FRK: variants seen among roughly 807,000 people sequenced by gnomAD.
FRK encodes tyrosine-protein kinase FRK.
In FRK, 51 loss-of-function variants were observed where a neutral mutation model predicts 56.4. The observed-to-expected ratio is 0.90, with a 90% CI of 0.72 to 1.14. The LOEUF (loss-of-function observed/expected upper bound fraction) is 1.14, where lower values mean the gene tolerates loss of function less well. FRK is among the 50% of genes most tolerant of loss of function. The probability of loss-of-function intolerance (pLI) is 0.00; values close to 1 mark genes in which losing one functional copy is unlikely to be tolerated. For missense variants in FRK, 570 were observed against 601.4 expected (o/e 0.95, Z 0.55); for synonymous variants, 245 against 217.9 (o/e 1.12, Z -1.10).
chr6:115,968,196 C>A (rs961056212), intron 3 of FRK, among the ~76,000 whole-genome samples: 2 of 152,044 alleles, frequency 1.3e-5, no homozygotes, highest in South Asian at 4.2e-4. Flanking sequence ...GTTACTCATT[C>A]ATTTAGTAAG....
Position 115,945,077 on chromosome 6 carries a change from T to C in FRK, c.959-652A>G, listed in dbSNP as rs527526497. 6.6e-5 allele frequency among the ~76,000 whole-genome samples: 10 copies of C among 152,336 alleles called. No individual in the cohort carries two copies. The South Asian group carries it at 2.1e-3, about 32-fold the overall frequency. On this transcript the variant is annotated intron_variant, in intron 5 of 7. Transcript: ENST00000606080. ...TTTATGGCTGCATAGTATTCCATGG[T>C]GTATACATACCACATTTTCTTTATC...
At chr6:115,987,779 T>C (rs920416029) in intron 2 of FRK, among the ~76,000 whole-genome samples, 1 of 152,100 alleles carries the variant, frequency 6.6e-6, no homozygotes, top group Non-Finnish European at 1.5e-5. Flanking sequence ...AATGAATGGA[T>C]GGGTTTGTAA....
chr6:116,083,630 T>C, the FRK span, among the ~76,000 whole-genome samples: 31 of 152,228 alleles, frequency 2.0e-4, no homozygotes, highest in Non-Finnish European at 3.5e-4. Flanking sequence ...ACCTCCAGAG[T>C]TTCTGATTCA....
At chr6:115,949,019 C>T (rs958740105) in intron 5 of FRK, among the ~76,000 whole-genome samples, 6 of 152,016 alleles carry the variant, frequency 3.9e-5, no homozygotes, top group African/African-American at 1.4e-4. Flanking sequence ...AAGTTGTATT[C>T]CTAGGTATTT....
At chr6:116,091,214 G>T in the FRK span, among the ~76,000 whole-genome samples, 1 of 152,062 alleles carries the variant, frequency 6.6e-6, no homozygotes, top group Non-Finnish European at 1.5e-5. Flanking sequence ...GATTGTAAAT[G>T]CACCAATCAG....
chr6:115,958,346 G>C (rs1021283661), intron 4 of FRK, among the ~76,000 whole-genome samples: 7 of 151,766 alleles, frequency 4.6e-5, no homozygotes, highest in African/African-American at 1.7e-4. Flanking sequence ...AGAAAATTAG[G>C]CTGGGCATGG....
At chr6:115,953,660 T>G (rs182934196) in intron 5 of FRK, among the ~76,000 whole-genome samples, 223 of 152,274 alleles carry the variant, frequency 1.5e-3, no homozygotes, top group Non-Finnish European at 2.4e-3. Context: ...TACTTAGCCC[T>G]AAGTAAACCA....
intron 4 of FRK, among the ~76,000 whole-genome samples, chr6:115,958,767 G>GC (rs1554225870): frequency 4.1e-5 from 1 of 24,236 alleles, no homozygotes; most frequent in Admixed American, 6.3e-4. Context: ...AAGAAAGAAA[G>GC]AGGGGGGGGA....
chr6:116,038,726 G>A (rs1326975439), intron 1 of FRK: 8 of 454,658 alleles, frequency 1.8e-5, no homozygotes, highest in Admixed American at 1.7e-4. Flanking sequence ...GAAGGCTGAC[G>A]CTGACCTTCA....
intron 1 of FRK, among the ~76,000 whole-genome samples, chr6:116,029,962 C>T (rs958576950): frequency 1.3e-5 from 2 of 152,082 alleles, no homozygotes; most frequent in Admixed American, 1.3e-4. Flanking sequence ...AATTCCAGAT[C>T]CTATTTATTT....
At chr6:116,099,382 T>C in the FRK span, among the ~76,000 whole-genome samples, 1 of 152,238 alleles carries the variant, frequency 6.6e-6, no homozygotes, top group Non-Finnish European at 1.5e-5. Flanking sequence ...TGCCCTTCAA[T>C]GTGGCATGCA....
rs1344434259 is a variant in FRK at position 115,931,632 on chromosome 6, G to T, written c.*10782C>A. The T allele has an allele frequency of 6.6e-6, 1 of 152,004 alleles. No homozygotes were observed. The highest frequency in any genetic ancestry group is 2.4e-5 in the African/African-American group (1 of 41,392). The allele number at this position is 152,004 out of a possible 1,614,324, so 9.4% of individuals were successfully genotyped here. A position where few individuals can be genotyped will look rare whatever the true frequency, so the allele number is the denominator to read the frequency against. On this transcript the variant is annotated 3_prime_UTR_variant, in exon 8 of 8. Transcript: ENST00000606080. ...TTTTTTGAATCAATAATTAAATATA[G>T]ATTTTGAAAATTGATTAAAAGCTAT...
At chr6:115,993,676 T>C (rs549198670) in intron 2 of FRK, among the ~76,000 whole-genome samples, 5 of 152,018 alleles carry the variant, frequency 3.3e-5, no homozygotes, top group African/African-American at 1.2e-4. Context: ...TCTTGAAAAA[T>C]AAAAAAGAAC....
At position 116,000,223 on chromosome 6, in the gene FRK, CTTTTTTTTTTTTTTTTTTTTTTT is replaced by C. The variant is rs561273499; in HGVS notation, c.466+3631_466+3653del. ...TTTCCTCATGAAAATATCATTCTTT[CTTTTTTTTTTTTTTTTTTTTTTT>C]TTTTTTTTTTTTTTGAGACGGAGTC... On this transcript the variant is annotated intron_variant, in intron 2 of 7. Coordinates refer to ENST00000606080, the MANE Select transcript of FRK (RefSeq NM_002031.3). 7.5e-5 allele frequency among the ~76,000 whole-genome samples: 4 copies of C among 53,112 alleles called. No homozygotes were observed. The East Asian group carries it at 1.1e-3, about 14-fold the overall frequency. 34.8% of individuals were successfully genotyped at this position (53,112 alleles called of 152,430 possible). A position where few individuals can be genotyped will look rare whatever the true frequency, so the allele number is the denominator to read the frequency against.
At chr6:116,064,172 C>T (rs868501495), upstream of FRK, among the ~76,000 whole-genome samples, 1 of 152,230 alleles carries the variant, frequency 6.6e-6, no homozygotes, top group Non-Finnish European at 1.5e-5. Flanking sequence ...TTCCCTGCTG[C>T]ACCTCTGCAT....
intron 4 of FRK, among the ~76,000 whole-genome samples, chr6:115,966,236 C>T (rs1249239769): frequency 6.6e-6 from 1 of 152,096 alleles, no homozygotes; most frequent in Admixed American, 6.5e-5. Context: ...CACAATTTCT[C>T]CAATCTTAGA....
chr6:115,984,505 T>C (rs1244804378), intron 2 of FRK, among the ~76,000 whole-genome samples: 1 of 152,064 alleles, frequency 6.6e-6, no homozygotes, highest in Non-Finnish European at 1.5e-5. Flanking sequence ...AATAGTTTGA[T>C]GTCTGTGCTC....
Position 115,944,285 on chromosome 6 carries a change from T to C in FRK, c.1099A>G (p.Ile367Val). The change falls in exon 6 of 8, where the codon ATC (isoleucine) becomes GTC (valine). Residue 367 changes from isoleucine to valine, a missense_variant. Coordinates refer to ENST00000606080, the MANE Select transcript of FRK (RefSeq NM_002031.3). ...ARNVLVGEHN[I>V]YKVADFGLAR... ...AGTCCAAAATCTGCTACTTTGTAGA[T>C]ATTATGTTCACCAACGAGGACATTT... The C allele has an allele frequency of 6.2e-7, 1 of 1,612,728 alleles. No homozygotes were observed. Among genetic ancestry groups the C allele is most frequent in the Non-Finnish European group, 8.5e-7 (1 of 1,179,574 alleles).
At chr6:116,052,022 G>A (rs763366567) in intron 1 of FRK, among the ~76,000 whole-genome samples, 1 of 152,098 alleles carries the variant, frequency 6.6e-6, no homozygotes, top group Non-Finnish European at 1.5e-5. Context: ...CCATTTAAAA[G>A]CTCTGGCCAG....
Sources: allele counts gnomAD v4.1 joint callset (sites outside exome capture counted in the v4.1 genomes callset), GRCh38; gene constraint gnomAD v4.1.1; transcripts MANE v1.5; gene names NCBI Gene and HGNC (gene_info 2026-07-23, HGNC 2026-07-21).